BMP4: variants seen among roughly 807,000 people sequenced by gnomAD.
The protein encoded by BMP4 is bone morphogenetic protein 4, also known as bone morphogenetic protein 2B.
BMP4 carries 3 observed loss-of-function variants against 29.6 expected under a neutral mutation model. That is an observed-to-expected ratio of 0.10 (90% confidence interval 0.05 to 0.26). BMP4 has a LOEUF of 0.26. BMP4 is among the 10% of genes least tolerant of loss of function. BMP4 has a pLI of 1.00. For synonymous variants in BMP4, 197 were observed against 213.2 expected (o/e 0.92, Z 0.66); for missense variants, 455 against 550.2 (o/e 0.83, Z 1.73).
At chr14:53,952,646 C>T (rs1895508214) in intron 2 of BMP4, among the ~76,000 whole-genome samples, 1 of 152,120 alleles carries the variant, frequency 6.6e-6, no homozygotes, top group South Asian at 2.1e-4. Flanking sequence ...AGACCTTCAG[C>T]TTCTCTCCCT....
chr14:53,951,696 G>A (rs1174010388), intron 3 of BMP4, 157 bp downstream of exon 3: 7 of 1,208,728 alleles, frequency 5.8e-6, no homozygotes, highest in East Asian at 2.3e-5. Context: ...TAAGTTCGGC[G>A]GCAGCTCTGC....
chr14:53,951,831 C>T, intron 3 of BMP4, 22 bp downstream of exon 3: 2 of 1,598,252 alleles, frequency 1.3e-6, no homozygotes, highest in Non-Finnish European at 1.7e-6. Flanking sequence ...CTCCCCCACG[C>T]AGACTGGGGG....
Position 53,954,798 on chromosome 14 carries a change from A to G in BMP4, c.-132-1398T>C, listed in dbSNP as rs2140243956. 6.6e-6 allele frequency among the ~76,000 whole-genome samples: 1 copy of G among 151,950 alleles called. No homozygotes were observed. The highest frequency in any genetic ancestry group is 2.0e-4 in the East Asian group (1 of 5,120). On this transcript the variant is annotated intron_variant, in intron 1 of 3. Coordinates refer to ENST00000245451, the MANE Select transcript of BMP4 (RefSeq NM_001202.6). The surrounding 1 kb of genome is among the most constrained non-coding windows in gnomAD (Gnocchi z 4.8). ...CCCGGGCCCCATGACTCCTGCCCCA[A>G]AGCCCACTCCACCCGACCTCCCTTT...
chr14:53,956,747 T>C lies in BMP4; in HGVS notation c.-330A>G, dbSNP rs1298422551. 2.5e-5 allele frequency: 10 copies of C among 399,582 alleles called. No individual in the cohort carries two copies. The highest frequency in any genetic ancestry group is 4.1e-5 in the African/African-American group (2 of 48,636). The allele number at this position is 399,582 out of a possible 1,614,324, so 24.8% of individuals were successfully genotyped here. ...TCAGGCTCGCGTCCCTCAGCTCGGATGCCACACTCACCTAGCTTCCGGGCC... is the reference window on the plus strand; with the variant it reads ...TCAGGCTCGCGTCCCTCAGCTCGGACGCCACACTCACCTAGCTTCCGGGCC... On this transcript the variant is annotated 5_prime_UTR_variant, in exon 1 of 4. Transcript: ENST00000245451.
At position 53,951,841 on chromosome 14, in the gene BMP4, G is replaced by C. The variant is rs368426865; in HGVS notation, c.370+12C>G. 1.9e-6 allele frequency: 3 copies of C among 1,598,880 alleles called. No individual in the cohort carries two copies. The highest frequency in any genetic ancestry group is 4.5e-5 in the East Asian group (2 of 44,856). ...CAGCCCTCCCCCACGCAGACTGGGG[G>C]AAGAGACTGACCTTCGTGGTGGAAG... On this transcript the variant is annotated intron_variant, in intron 3 of 3. Coordinates refer to ENST00000245451, the MANE Select transcript of BMP4 (RefSeq NM_001202.6).
chr14:53,949,992 G>T lies in BMP4; in HGVS notation c.*40C>A. ...TGTGTGGTGTATGTGGTGTGTGTGT[G>T]TGGTGTGTATATCTGTCTATCCTCA... On this transcript the variant is annotated 3_prime_UTR_variant, in exon 4 of 4. Coordinates refer to ENST00000245451, the MANE Select transcript of BMP4 (RefSeq NM_001202.6). 1 of 1,610,392 alleles carries T rather than the reference G, an allele frequency of 6.2e-7. No individual in the cohort carries two copies. The highest frequency in any genetic ancestry group is 8.5e-7 in the Non-Finnish European group (1 of 1,177,874).
At position 53,955,594 on chromosome 14, in the gene BMP4, A is replaced by C. The variant is rs1239974879; in HGVS notation, c.-133+956T>G. 3 of 152,210 alleles carry C rather than the reference A, an allele frequency of 2.0e-5. No homozygotes were observed. The highest frequency in any genetic ancestry group is 7.2e-5 in the African/African-American group (3 of 41,444). 9.4% of individuals were successfully genotyped at this position (152,210 alleles called of 1,614,324 possible). ...GGTAGCCTCAGTTTACCAAGTATGT[A>C]TCTTTTGGGGGTTTAACCTCTCACA... On this transcript the variant is annotated intron_variant, in intron 1 of 3. Transcript: ENST00000245451. This position sits in a 1 kb window ranked among gnomAD's most constrained non-coding sequence, Gnocchi z 4.0.
chr14:53,953,108 G>A (rs1895533649), intron 2 of BMP4, among the ~76,000 whole-genome samples, 168 bp downstream of exon 2: 1 of 152,188 alleles, frequency 6.6e-6, no homozygotes, highest in Admixed American at 6.5e-5. Flanking sequence ...AAAGGAACCC[G>A]TACGCTTCCA....
intron 3 of BMP4, chr14:53,951,614 G>A (rs1594793920): frequency 1.8e-6 from 1 of 566,686 alleles, no homozygotes; most frequent in Non-Finnish European, 3.0e-6. Context: ...AAAACACACC[G>A]CTGGGGCTAG....
In BMP4 at chr14:53,954,989, C is replaced by G. The variant is rs1302266221; in HGVS notation, c.-133+1561G>C. On this transcript the variant is annotated intron_variant, in intron 1 of 3. Coordinates refer to ENST00000245451, the MANE Select transcript of BMP4 (RefSeq NM_001202.6). This position sits in a 1 kb window ranked among gnomAD's most constrained non-coding sequence, Gnocchi z 4.8. Reference sequence around the variant, plus strand: ...GATCGAACAGCTCAGCCCTCCCTCCCGACCGTGGATGCCCGGAGTCGACCA... The same window carrying G: ...GATCGAACAGCTCAGCCCTCCCTCCGGACCGTGGATGCCCGGAGTCGACCA... 1.3e-5 allele frequency among the ~76,000 whole-genome samples: 2 copies of G among 152,220 alleles called. No individual in the cohort carries two copies. The highest frequency in any genetic ancestry group is 1.9e-4 in the East Asian group (1 of 5,172).
At position 53,953,390 on chromosome 14, in the gene BMP4, C is replaced by G. The variant is rs1240975181; in HGVS notation, c.-122G>C. On this transcript the variant is annotated 5_prime_UTR_variant, in exon 2 of 4. Transcript: ENST00000245451. ...CAGTGCGTTGCTCGGGATGGCACTA[C>G]GGAATGGCTCCTAAAAGGAATATTT... 2.5e-6 allele frequency: 1 copy of G among 399,080 alleles called. No individual in the cohort carries two copies. The highest frequency in any genetic ancestry group is 3.6e-5 in the East Asian group (1 of 28,076). 24.7% of individuals were successfully genotyped at this position (399,080 alleles called of 1,614,324 possible). A position where few individuals can be genotyped will look rare whatever the true frequency, so the allele number is the denominator to read the frequency against.
At chr14:53,956,475 T>C (rs1895723291) in intron 1 of BMP4, 75 bp downstream of exon 1, 2 of 399,250 alleles carry the variant, frequency 5.0e-6, no homozygotes, top group East Asian at 3.6e-5. Flanking sequence ...TCACAGCCTG[T>C]GACCAGCTTC....
intron 3 of BMP4, 115 bp downstream of exon 3, chr14:53,951,738 A>G: frequency 6.8e-7 from 1 of 1,466,756 alleles, no homozygotes; most frequent in South Asian, 1.3e-5. Context: ...TCTGTTCCTC[A>G]GCCTCCTGGA....
rs1895652516 is a variant in BMP4 at position 53,954,979 on chromosome 14, C to G, written c.-133+1571G>C. ...AAAAGTAAAGGATCGAACAGCTCAG[C>G]CCTCCCTCCCGACCGTGGATGCCCG... is the stretch of plus-strand genomic sequence containing the variant. On this transcript the variant is annotated intron_variant, in intron 1 of 3. Coordinates refer to ENST00000245451, the MANE Select transcript of BMP4 (RefSeq NM_001202.6). The surrounding 1 kb of genome is among the most constrained non-coding windows in gnomAD (Gnocchi z 4.8). Among the ~76,000 whole-genome samples the G allele has an allele frequency of 6.6e-6, 1 of 152,204 alleles. No homozygotes were observed. Among genetic ancestry groups the G allele is most frequent in the Admixed American group, 6.5e-5 (1 of 15,290 alleles).
Position 53,950,324 on chromosome 14 carries a change from G to C in BMP4, c.935C>G (p.Ser312Trp). The change falls in exon 4 of 4, where the codon TCG becomes TGG. Residue 312 changes from serine to tryptophan, a missense_variant. By Grantham distance (177) the Ser-to-Trp change is radical. Around this residue, in one of 4 missense-constraint regions of BMP4, gnomAD observed 154 missense variants for 156.8 expected, o/e 0.98. Transcript: ENST00000245451. The surrounding 1 kb of genome is among the most constrained non-coding windows in gnomAD (Gnocchi z 5.4). ...RKKNKNCRRH[S>W]LYVDFSDVGW... ...CACATCGCTGAAGTCCACATAGAGC[G>C]AGTGGCGCCGGCAGTTCTTATTCTT... 1 of 1,614,226 alleles carries C rather than the reference G, an allele frequency of 6.2e-7. No individual in the cohort carries two copies. Among genetic ancestry groups the C allele is most frequent in the South Asian group, 1.1e-5 (1 of 91,090 alleles).
chr14:53,956,566 A>G lies in BMP4; in HGVS notation c.-149T>C. ...CTTGCTCACCATAGGTCCCTGCAGT[A>G]GCGGGCTCGCCAGCAGCAGCTCCTG... On this transcript the variant is annotated 5_prime_UTR_variant, in exon 1 of 4. Coordinates refer to ENST00000245451, the MANE Select transcript of BMP4 (RefSeq NM_001202.6). 1 of 399,212 alleles carries G rather than the reference A, an allele frequency of 2.5e-6. No homozygotes were observed. The highest frequency in any genetic ancestry group is 4.4e-6 in the Non-Finnish European group (1 of 226,296). 24.7% of individuals were successfully genotyped at this position (399,212 alleles called of 1,614,324 possible).
Position 53,950,218 on chromosome 14 carries a change from G to T in BMP4, c.1041C>A (p.Asp347Glu). 1 of 1,614,234 alleles carries T rather than the reference G, an allele frequency of 6.2e-7. No individual in the cohort carries two copies. ...TGGCATGGTTGGTTGAGTTGAGGTGGTCAGCCAGTGGAAAGGGGCAGTCCC... is the reference window on the plus strand; with the variant it reads ...TGGCATGGTTGGTTGAGTTGAGGTGTTCAGCCAGTGGAAAGGGGCAGTCCC... The part of the protein sequence containing the change: ...CHGDCPFPLA[D>E]HLNSTNHAIV... The change falls in exon 4 of 4, where the codon GAC (aspartate) becomes GAA (glutamate). Residue 347 changes from aspartate to glutamate, a missense_variant. Physicochemically the swap from Asp to Glu is conservative, Grantham distance 45. Around this residue, in one of 4 missense-constraint regions of BMP4, gnomAD observed 48 missense variants for 90.4 expected, o/e 0.53. Coordinates refer to ENST00000245451, the MANE Select transcript of BMP4 (RefSeq NM_001202.6). This position sits in a 1 kb window ranked among gnomAD's most constrained non-coding sequence, Gnocchi z 5.4.
intron 1 of BMP4, 35 bp from the exon 2 acceptor site, chr14:53,953,435 C>T: frequency 5.0e-6 from 2 of 398,866 alleles, no homozygotes; most frequent in Non-Finnish European, 4.4e-6. Flanking sequence ...GAGACTCCAC[C>T]GCAGACAGGC....
chr14:53,950,812 C>A lies in BMP4; in HGVS notation c.447G>T (p.Glu149Asp). The change falls in exon 4 of 4, where the codon GAG becomes GAT. Residue 149 changes from glutamate (E) to aspartate (D), a missense_variant. Glu to Asp is a conservative substitution (Grantham distance 45). This residue lies in a region of BMP4 where 249 missense variants were observed against 284.6 expected (regional missense o/e 0.87). Transcript: ENST00000245451. This position sits in a 1 kb window ranked among gnomAD's most constrained non-coding sequence, Gnocchi z 5.4. Reference protein sequence around the residue: ...RFLFNLSSIPENEVISSAELR... With the variant: ...RFLFNLSSIPDNEVISSAELR... The stretch of plus-strand genomic sequence containing the variant: ...GCTCTGCAGAGGAGATCACCTCGTT[C>A]TCAGGGATGCTGCTGAGGTTAAAGA... 1 of 1,612,290 alleles carries A rather than the reference C, an allele frequency of 6.2e-7. No homozygotes were observed. The highest frequency in any genetic ancestry group is 8.5e-7 in the Non-Finnish European group (1 of 1,180,022).
Sources: gnomAD v4.1 joint callset for allele counts (sites outside exome capture counted in the v4.1 genomes callset) on GRCh38, gnomAD v4.1.1 for gene constraint, gnomAD v4.1.1 regional missense constraint, Gnocchi (gnomAD v3.1) non-coding constraint, MANE v1.5 for transcripts, NCBI Gene and HGNC (gene_info 2026-07-23, HGNC 2026-07-21) for gene names.